The following GABRB1 variants were observed in gnomAD, a reference collection of about 807,000 sequenced individuals.
GABRB1 encodes the protein gamma-aminobutyric acid receptor subunit beta-1.
A neutral mutation model predicts 51.6 loss-of-function variants in GABRB1; 17 were observed. The ratio of observed to expected loss-of-function variants is 0.33; its 90% CI spans 0.23 to 0.49. The LOEUF is 0.49. Ranked by LOEUF, GABRB1 falls within the 20% of genes least tolerant of loss-of-function variation. GABRB1 has a pLI of 0.99. For missense variants in GABRB1, 410 were observed against 600.6 expected (o/e 0.68, Z 3.32); for synonymous variants, 247 against 218.9 (o/e 1.13, Z -1.14).
chr4:47,258,381 G>C (rs1424213534), intron 4 of GABRB1, among the ~76,000 whole-genome samples: 7 of 152,078 alleles, frequency 4.6e-5, no homozygotes, highest in African/African-American at 1.7e-4. Flanking sequence ...TCAGAGATAA[G>C]TTTAGATTAT....
At chr4:47,390,077 T>G (rs940500870) in intron 5 of GABRB1, among the ~76,000 whole-genome samples, 5 of 152,226 alleles carry the variant, frequency 3.3e-5, no homozygotes, top group Admixed American at 2.6e-4. Flanking sequence ...AAAAAGAAAT[T>G]TACCTTTCCT....
intron 1 of GABRB1, among the ~76,000 whole-genome samples, chr4:47,024,901 T>C (rs1457954644): frequency 7.8e-6 from 1 of 127,578 alleles, no homozygotes; most frequent in Non-Finnish European, 1.6e-5. Flanking sequence ...TGCCATTAAT[T>C]CATTCCTTTT....
intron 8 of GABRB1, among the ~76,000 whole-genome samples, chr4:47,421,111 A>AGAATTTGCCTTTCTCAATCCTTCTT: frequency 6.6e-6 from 1 of 151,002 alleles, no homozygotes; most frequent in Non-Finnish European, 1.5e-5. Flanking sequence ...ACATAACTCT[A>AGAATTTGCCTTTCTCAATCCTTCTT]TAGTAATGAA....
chr4:47,146,143 A>T (rs1435123239), intron 3 of GABRB1, among the ~76,000 whole-genome samples: 2 of 152,116 alleles, frequency 1.3e-5, no homozygotes, highest in East Asian at 3.9e-4. Flanking sequence ...ATTTCCACTC[A>T]TGTCTGAGCT....
chr4:47,039,262 A>C (rs1018061910), intron 3 of GABRB1, among the ~76,000 whole-genome samples: 1 of 151,066 alleles, frequency 6.6e-6, no homozygotes, highest in Non-Finnish European at 1.5e-5. Context: ...CCTGTCTCTC[A>C]CATCCCCGAT....
At position 47,358,391 on chromosome 4, in the gene GABRB1, A is replaced by G. The variant is rs143088133; in HGVS notation, c.544+38182A>G. 6.0e-3 allele frequency among the ~76,000 whole-genome samples: 894 copies of G among 149,838 alleles called. 9 individuals are homozygous for G. The highest frequency in any genetic ancestry group is 0.02 in the African/African-American group (823 of 40,956). On this transcript the variant is annotated intron_variant, in intron 5 of 8. Coordinates refer to ENST00000295454, the MANE Select transcript of GABRB1 (RefSeq NM_000812.4). The stretch of plus-strand genomic sequence containing the variant: ...TATATATGTGTGTGTGTATATATGT[A>G]TATATATATATATAGAGAGAGAGAG...
At chr4:47,142,915 T>C (rs1716994381) in intron 3 of GABRB1, among the ~76,000 whole-genome samples, 1 of 151,934 alleles carries the variant, frequency 6.6e-6, no homozygotes, top group Non-Finnish European at 1.5e-5. Context: ...ACAAATATGT[T>C]TCTTCTTTAT....
At chr4:47,037,720 A>G (rs1725652008) in intron 3 of GABRB1, among the ~76,000 whole-genome samples, 1 of 152,144 alleles carries the variant, frequency 6.6e-6, no homozygotes, top group Non-Finnish European at 1.5e-5. Flanking sequence ...AACATTTTCC[A>G]TATGTGAGGT....
intron 4 of GABRB1, among the ~76,000 whole-genome samples, chr4:47,171,567 G>T (rs936887655): frequency 2.0e-5 from 3 of 151,810 alleles, no homozygotes; most frequent in Admixed American, 6.6e-5. Flanking sequence ...ATATTGACTT[G>T]TTTATTATTT....
chr4:47,426,428 C>CAAAAAAAAAAAAAAAAAAAA (rs59682924), exon 9 of GABRB1: 2 of 84,828 alleles, frequency 2.4e-5, no homozygotes, highest in Non-Finnish European at 5.2e-5. Flanking sequence ...CTTATGCTGC[C>CAAAAAAAAAAAAAAAAAAAA]AAAAAAAAAA....
intron 5 of GABRB1, among the ~76,000 whole-genome samples, chr4:47,333,327 A>G (rs1303512400): frequency 3.3e-5 from 5 of 151,170 alleles, no homozygotes; most frequent in Non-Finnish European, 7.4e-5. Context: ...TGGGAGAGAC[A>G]TGGTCATCAG....
At chr4:47,276,175 G>T (rs996806129) in intron 4 of GABRB1, among the ~76,000 whole-genome samples, 5 of 152,198 alleles carry the variant, frequency 3.3e-5, no homozygotes, top group African/African-American at 4.8e-5. Context: ...AAGTTGCTGT[G>T]TTCAAACTTT....
intron 4 of GABRB1, among the ~76,000 whole-genome samples, chr4:47,297,818 T>G (rs544713948): frequency 2.5e-4 from 38 of 152,302 alleles, no homozygotes; most frequent in African/African-American, 8.4e-4. Context: ...AAGAGAATTT[T>G]AGACCAATAT....
At chr4:47,377,133 G>T (rs771886994) in intron 5 of GABRB1, among the ~76,000 whole-genome samples, 7 of 152,088 alleles carry the variant, frequency 4.6e-5, no homozygotes, top group Non-Finnish European at 8.8e-5. Context: ...GAATGTGTTT[G>T]GAGTTGTGCG....
chr4:47,054,091 C>A (rs1180930637), intron 3 of GABRB1, among the ~76,000 whole-genome samples: 1 of 151,136 alleles, frequency 6.6e-6, no homozygotes, highest in Non-Finnish European at 1.5e-5. Context: ...TAATATGATA[C>A]TATAAAAAGA....
chr4:47,143,439 C>T (rs745802903), intron 3 of GABRB1, among the ~76,000 whole-genome samples: 2 of 151,728 alleles, frequency 1.3e-5, no homozygotes, highest in Non-Finnish European at 2.9e-5. Context: ...TCTATCTTGA[C>T]AGGAGGAACA....
intron 8 of GABRB1, among the ~76,000 whole-genome samples, chr4:47,409,253 A>T (rs968132567): frequency 4.6e-5 from 7 of 152,202 alleles, no homozygotes; most frequent in Admixed American, 3.9e-4. Context: ...TAACCAGCTC[A>T]GTGCCTTTTT....
At chr4:47,376,877 C>T (rs1727400973) in intron 5 of GABRB1, among the ~76,000 whole-genome samples, 2 of 152,200 alleles carry the variant, frequency 1.3e-5, no homozygotes, top group African/African-American at 4.8e-5. Context: ...AGAATACAAA[C>T]AAGACAGATG....
At chr4:47,241,622 G>A (rs182534599) in intron 4 of GABRB1, among the ~76,000 whole-genome samples, 2 of 152,222 alleles carry the variant, frequency 1.3e-5, no homozygotes, top group African/African-American at 4.8e-5. Context: ...CCTTCATAAA[G>A]GGCATATAAC....
Sources: allele counts gnomAD v4.1 joint callset (sites outside exome capture counted in the v4.1 genomes callset), GRCh38; gene constraint gnomAD v4.1.1; transcripts MANE v1.5; gene names NCBI Gene and HGNC (gene_info 2026-07-23, HGNC 2026-07-21).